Variants in SPAG16 observed in about 807,000 individuals in gnomAD.
SPAG16 encodes the protein sperm-associated antigen 16 protein.
A neutral mutation model predicts 80.4 loss-of-function variants in SPAG16; 86 were observed. That is an observed-to-expected ratio of 1.07 (90% CI 0.90 to 1.28). The LOEUF (loss-of-function observed/expected upper bound fraction) is 1.28, where lower values mean the gene tolerates loss of function less well. Ranked by LOEUF, SPAG16 falls within the 50% of genes most tolerant of loss-of-function variation. The probability of loss-of-function intolerance (pLI) is 0.00; values close to 1 mark genes in which losing one functional copy is unlikely to be tolerated. For missense variants in SPAG16, 870 were observed against 765.3 expected (o/e 1.14, Z -1.61); for synonymous variants, 294 against 265.9 (o/e 1.11, Z -1.03).
intron 9 of SPAG16, among the ~76,000 whole-genome samples, chr2:213,433,668 T>C (rs1325873002): frequency 6.6e-6 from 1 of 152,114 alleles, no homozygotes; most frequent in East Asian, 1.9e-4. Context: ...AAAATGACCA[T>C]ATACCCAAAG....
chr2:214,394,319 A>T (rs764422667), intron 15 of SPAG16, among the ~76,000 whole-genome samples: 3 of 151,414 alleles, frequency 2.0e-5, no homozygotes, highest in Admixed American at 6.6e-5. Context: ...TTTTTTTTTG[A>T]GGAAATAGCT....
intron 10 of SPAG16, among the ~76,000 whole-genome samples, chr2:213,492,180 G>C (rs2074264622): frequency 7.4e-6 from 1 of 135,680 alleles, no homozygotes; most frequent in Non-Finnish European, 1.5e-5. Context: ...TATACTACCA[G>C]TCCTTAACTA....
At chr2:213,620,363 G>A (rs1231172620) in intron 10 of SPAG16, among the ~76,000 whole-genome samples, 2 of 123,192 alleles carry the variant, frequency 1.6e-5, no homozygotes, top group Admixed American at 1.1e-4. Context: ...CACGATCTCC[G>A]CTCACTGCAA....
At chr2:213,734,315 G>A (rs2067192249) in intron 10 of SPAG16, among the ~76,000 whole-genome samples, 1 of 152,096 alleles carries the variant, frequency 6.6e-6, no homozygotes, top group African/African-American at 2.4e-5. Context: ...CTTAGCTATT[G>A]GGTGTCAGTT....
At chr2:214,164,470 A>G (rs574864565) in intron 15 of SPAG16, among the ~76,000 whole-genome samples, 40 of 152,202 alleles carry the variant, frequency 2.6e-4, no homozygotes, top group Non-Finnish European at 4.6e-4. Context: ...AGCAGTGCAA[A>G]AGATTTAAAT....
chr2:214,100,689 G>C (rs557253514), intron 13 of SPAG16, among the ~76,000 whole-genome samples: 7 of 152,186 alleles, frequency 4.6e-5, no homozygotes, highest in African/African-American at 1.4e-4. Context: ...ATGACCTCCA[G>C]CTCTATCCAT....
intron 15 of SPAG16, among the ~76,000 whole-genome samples, chr2:214,171,970 G>A (rs189089348): frequency 3.0e-4 from 46 of 151,762 alleles, no homozygotes; most frequent in Middle Eastern, 3.4e-3. Context: ...ATCACTTTAC[G>A]TAATTACTTT....
intron 10 of SPAG16, among the ~76,000 whole-genome samples, chr2:213,764,378 A>T (rs959842692): frequency 6.6e-6 from 1 of 152,110 alleles, no homozygotes; most frequent in African/African-American, 2.4e-5. Flanking sequence ...TCAGGGGGAA[A>T]AAAAAAACCT....
chr2:213,408,007 GGAGAGAGGCA>G (rs1274416564), intron 9 of SPAG16, among the ~76,000 whole-genome samples: 1 of 144,630 alleles, frequency 6.9e-6, no homozygotes, highest in Non-Finnish European at 1.5e-5. Context: ...GAGAGAGACA[GGAGAGAGGCA>G]GAGAGAGACA....
At chr2:214,033,323 T>C (rs1411668750) in intron 13 of SPAG16, among the ~76,000 whole-genome samples, 1 of 152,314 alleles carries the variant, frequency 6.6e-6, no homozygotes, top group South Asian at 2.1e-4. Context: ...GAAAAACATA[T>C]ATAAACATGT....
At position 213,532,715 on chromosome 2, in the gene SPAG16, C is replaced by G. The variant is rs551525456; in HGVS notation, c.1070+42625C>G. ...TGACCTCAGGATCCGCCCGCCTCGG[C>G]CTCCCAAAGTGCTGGGATTACAGGC... On this transcript the variant is annotated intron_variant, in intron 10 of 15. Coordinates refer to ENST00000331683, the MANE Select transcript of SPAG16 (RefSeq NM_024532.5). Among the ~76,000 whole-genome samples the G allele has an allele frequency of 1.1e-3, 164 of 151,014 alleles. 2 individuals are homozygous for G. Among genetic ancestry groups the G allele is most frequent in the African/African-American group, 3.9e-3 (156 of 40,348 alleles).
intron 13 of SPAG16, among the ~76,000 whole-genome samples, chr2:214,039,491 AC>A: frequency 6.6e-6 from 1 of 152,342 alleles, no homozygotes; most frequent in African/African-American, 2.4e-5. Flanking sequence ...AGCAAAAGAA[AC>A]TACCATCAGA....
intron 12 of SPAG16, among the ~76,000 whole-genome samples, chr2:213,952,025 A>G (rs1313073670): frequency 6.6e-6 from 1 of 152,150 alleles, no homozygotes; most frequent in Non-Finnish European, 1.5e-5. Flanking sequence ...TGATAAATTA[A>G]TATATTCTAA....
intron 10 of SPAG16, among the ~76,000 whole-genome samples, chr2:213,832,888 A>G (rs2073755139): frequency 6.6e-6 from 1 of 152,108 alleles, no homozygotes; most frequent in Non-Finnish European, 1.5e-5. Context: ...AGTCAGCATG[A>G]CCAAGTGATA....
intron 12 of SPAG16, among the ~76,000 whole-genome samples, chr2:213,979,140 G>T (rs1346752351): frequency 5.3e-5 from 8 of 152,130 alleles, no homozygotes; most frequent in African/African-American, 1.9e-4. Flanking sequence ...TAGACAGGGT[G>T]TACAGAAGGG....
intron 15 of SPAG16, among the ~76,000 whole-genome samples, chr2:214,171,883 A>T (rs1176039572): frequency 6.6e-6 from 1 of 151,882 alleles, no homozygotes; most frequent in Non-Finnish European, 1.5e-5. Flanking sequence ...TTTATTGTGT[A>T]TATTTGAGAT....
intron 10 of SPAG16, among the ~76,000 whole-genome samples, chr2:213,644,097 T>A (rs1344785634): frequency 3.3e-5 from 5 of 151,244 alleles, no homozygotes; most frequent in African/African-American, 1.2e-4. Flanking sequence ...CACGAATTCT[T>A]TCTTCTGCTT....
intron 15 of SPAG16, among the ~76,000 whole-genome samples, chr2:214,257,457 A>G (rs1347524689): frequency 6.6e-6 from 1 of 152,084 alleles, no homozygotes; most frequent in African/African-American, 2.4e-5. Context: ...GTTCCCCATT[A>G]TAGGTTAAAA....
At chr2:213,915,920 T>G (rs756432542) in intron 11 of SPAG16, among the ~76,000 whole-genome samples, 8 of 152,236 alleles carry the variant, frequency 5.3e-5, no homozygotes, top group Admixed American at 5.2e-4. Context: ...ATATCTTCTT[T>G]TGAGAAATGT....
Sources: gnomAD v4.1 joint callset for allele counts (sites outside exome capture counted in the v4.1 genomes callset) on GRCh38, gnomAD v4.1.1 for gene constraint, MANE v1.5 for transcripts, NCBI Gene and HGNC (gene_info 2026-07-23, HGNC 2026-07-21) for gene names.